NOTCH2: variants seen among roughly 807,000 people sequenced by gnomAD.
NOTCH2 encodes the protein notch receptor 2.
In NOTCH2, 29 loss-of-function variants were observed where a neutral mutation model predicts 235.8. The ratio of observed to expected loss-of-function variants is 0.12; its 90% CI spans 0.09 to 0.17. The LOEUF is 0.17. Ranked by LOEUF, NOTCH2 falls within the 10% of genes least tolerant of loss-of-function variation. The pLI, the probability that NOTCH2 is intolerant of heterozygous loss-of-function variation, is 1.00. For missense variants in NOTCH2, 2,285 were observed against 3,150.2 expected, an observed-to-expected ratio of 0.73 and a Z score of 6.57; for synonymous variants, 1,086 against 1,141.5, an observed-to-expected ratio of 0.95 and a Z score of 0.98.
chr1:119,940,982 G>C (rs1553196397), intron 18 of NOTCH2, among the ~76,000 whole-genome samples: 1 of 152,154 alleles, frequency 6.6e-6, no homozygotes, highest in Non-Finnish European at 1.5e-5. Context: ...GCTTACTATA[G>C]ATACCTACAG....
intron 1 of NOTCH2, among the ~76,000 whole-genome samples, chr1:120,053,689 TA>T (rs1249692909): frequency 3.6e-5 from 5 of 140,704 alleles, no homozygotes; most frequent in Non-Finnish European, 7.5e-5. Flanking sequence ...AAGCAGAGCC[TA>T]AAAGGAGTCA....
chr1:120,056,977 AGT>A (rs1440690571), intron 1 of NOTCH2, among the ~76,000 whole-genome samples: 2 of 113,600 alleles, frequency 1.8e-5, no homozygotes, highest in Non-Finnish European at 3.1e-5. Context: ...CCAAACTGAA[AGT>A]GTACCTCATT....
At chr1:120,024,636 AC>A (rs1295945603) in intron 2 of NOTCH2, among the ~76,000 whole-genome samples, 1 of 145,752 alleles carries the variant, frequency 6.9e-6, no homozygotes, top group Non-Finnish European at 1.5e-5. Flanking sequence ...ATTTTATAAC[AC>A]TTTATATTTA....
rs782762412 is a variant in NOTCH2 at position 119,949,012 on chromosome 1, C to A, written c.2594G>T (p.Trp865Leu). The stretch of plus-strand genomic sequence containing the variant: ...CTCCACACCCATGTTCTTACCTTGC[C>A]AGCCAGGAGCACACAAGCAAGTATA... ...ESYTCLCAPGWQGQRCTIDID... is the reference protein window; with the variant it reads ...ESYTCLCAPGLQGQRCTIDID... The change falls in exon 16 of 34, where the codon TGG (tryptophan) becomes TTG (leucine). Residue 865 changes from tryptophan (W) to leucine (L), a missense_variant. By Grantham distance (61) the Trp-to-Leu change is moderately conservative. Around this residue, in one of 6 missense-constraint regions of NOTCH2, gnomAD observed 1,173 missense variants for 1,515.3 expected, o/e 0.77. Coordinates refer to ENST00000256646, the MANE Select transcript of NOTCH2 (RefSeq NM_024408.4). The A allele has an allele frequency of 2.5e-6, 4 of 1,614,164 alleles. No individual in the cohort carries two copies. In the Admixed American group the frequency reaches 6.7e-5, roughly 27 times the overall value.
chr1:119,927,095 C>T (rs1380584861), intron 23 of NOTCH2, among the ~76,000 whole-genome samples: 2 of 152,164 alleles, frequency 1.3e-5, no homozygotes, highest in Non-Finnish European at 2.9e-5. Context: ...ACTTTTTGGC[C>T]TTTCTGTAAC....
chr1:119,971,472 T>C (rs192314878), intron 5 of NOTCH2, among the ~76,000 whole-genome samples: 17 of 152,280 alleles, frequency 1.1e-4, no homozygotes, highest in African/African-American at 3.4e-4. Flanking sequence ...CTTTGCCACA[T>C]AGACCAAAAA....
intron 14 of NOTCH2, among the ~76,000 whole-genome samples, chr1:119,951,569 G>A (rs1408208820): frequency 6.6e-5 from 10 of 152,128 alleles, no homozygotes; most frequent in African/African-American, 2.4e-4. Context: ...TTTTTTCATA[G>A]GCACCATGTC....
chr1:119,988,978 TAA>T (rs1360445305), intron 4 of NOTCH2, among the ~76,000 whole-genome samples: 1 of 152,144 alleles, frequency 6.6e-6, no homozygotes, highest in Non-Finnish European at 1.5e-5. Flanking sequence ...AGAAAAGAAA[TAA>T]AGTGTTTTCT....
chr1:119,937,254 A>G, intron 21 of NOTCH2, 28 bp downstream of exon 21: 1 of 1,608,828 alleles, frequency 6.2e-7, no homozygotes, highest in Admixed American at 1.7e-5. Context: ...TGGGAGGTCC[A>G]TGACCTCTGC....
Position 119,911,799 on chromosome 1 carries a change from A to G in NOTCH2, c.*3507T>C. ...TTGGAAGGCACCTTGTCCCTGAGCA[A>G]CCATCTGTTTGTCACCAGCTATGGC... On this transcript the variant is annotated 3_prime_UTR_variant, in exon 34 of 34. Transcript: ENST00000256646. The G allele has an allele frequency of 4.3e-6, 1 of 233,282 alleles. No individual in the cohort carries two copies. The highest frequency in any genetic ancestry group is 8.5e-6 in the Non-Finnish European group (1 of 118,050). 14.5% of individuals were successfully genotyped at this position (233,282 alleles called of 1,614,324 possible). A position where few individuals can be genotyped will look rare whatever the true frequency, so the allele number is the denominator to read the frequency against.
chr1:119,985,329 A>G (rs587610220), intron 5 of NOTCH2, among the ~76,000 whole-genome samples: 20 of 152,272 alleles, frequency 1.3e-4, no homozygotes, highest in Admixed American at 1.1e-3. Context: ...CTTATCCATG[A>G]TCTCCACCAC....
At chr1:119,976,946 A>G (rs1651604945) in intron 5 of NOTCH2, among the ~76,000 whole-genome samples, 1 of 152,184 alleles carries the variant, frequency 6.6e-6, no homozygotes, top group East Asian at 1.9e-4. Flanking sequence ...ACTAAACACA[A>G]TTAGTTCTGC....
At chr1:119,932,799 CTACA>C (rs1649716266) in intron 22 of NOTCH2, among the ~76,000 whole-genome samples, 1 of 152,052 alleles carries the variant, frequency 6.6e-6, no homozygotes, top group African/African-American at 2.4e-5. Flanking sequence ...TGGCTTCTCT[CTACA>C]TAAAGAAATT....
At chr1:119,922,215 C>T in intron 28 of NOTCH2, 21 bp downstream of exon 28, 1 of 1,610,598 alleles carries the variant, frequency 6.2e-7, no homozygotes, top group Non-Finnish European at 8.5e-7. Flanking sequence ...TGAATAGTGG[C>T]TTATTGGCAA....
At chr1:119,977,951 C>A (rs1651655648) in intron 5 of NOTCH2, among the ~76,000 whole-genome samples, 1 of 152,152 alleles carries the variant, frequency 6.6e-6, no homozygotes. Flanking sequence ...AACAAAACAG[C>A]CATGGCTTCT....
intron 1 of NOTCH2, among the ~76,000 whole-genome samples, chr1:120,041,054 A>G (rs868980819): frequency 5.4e-5 from 6 of 111,982 alleles, no homozygotes; most frequent in East Asian, 2.1e-4. Flanking sequence ...AAAAAAAAAA[A>G]AAAAAAAAAA....
chr1:119,963,166 AGAAGGAAGGTAGGTAG>A (rs1651003947), intron 11 of NOTCH2, among the ~76,000 whole-genome samples: 1 of 93,528 alleles, frequency 1.1e-5, no homozygotes, highest in African/African-American at 2.9e-5. Context: ...GAAGAAGGGA[AGAAGGAAGGTAGGTAG>A]GAAGGAAGGA....
chr1:120,012,591 A>T (rs1653246071), intron 2 of NOTCH2, among the ~76,000 whole-genome samples: 1 of 151,738 alleles, frequency 6.6e-6, no homozygotes, highest in South Asian at 2.1e-4. Context: ...ATACTCATAC[A>T]ATCACAGAAT....
chr1:119,997,328 C>G lies in NOTCH2; in HGVS notation c.420G>C (p.Lys140Asn). ...GGCAGGCATCCGTCCATTGGCACTCCTTACCTAAAGGAAGGATAACAAAAC... is the reference window on the plus strand; with the variant it reads ...GGCAGGCATCCGTCCATTGGCACTCGTTACCTAAAGGAAGGATAACAAAAC... ...ECTCQVGFTG[K>N]ECQWTDACLS... Residue 140 changes from lysine to asparagine, a missense_variant, in exon 4 of 34, where the codon AAG (lysine) becomes AAC (asparagine). By Grantham distance (94) the Lys-to-Asn change is moderately conservative (BLOSUM62 0). Transcript: ENST00000256646. 1 of 1,613,968 alleles carries G rather than the reference C, an allele frequency of 6.2e-7. No homozygotes were observed. Among genetic ancestry groups the G allele is most frequent in the Non-Finnish European group, 8.5e-7 (1 of 1,179,832 alleles).
Sources: allele counts gnomAD v4.1 joint callset (sites outside exome capture counted in the v4.1 genomes callset), GRCh38; gene constraint gnomAD v4.1.1; regional missense constraint gnomAD v4.1.1; transcripts MANE v1.5; gene names NCBI Gene and HGNC (gene_info 2026-07-23, HGNC 2026-07-21).